The following NLRP1 variants were observed in gnomAD, a reference collection of about 807,000 sequenced individuals.
NLRP1 encodes the protein NLR family pyrin domain containing 1.
A neutral mutation model predicts 136.7 loss-of-function variants in NLRP1; 94 were observed. The ratio of observed to expected loss-of-function variants is 0.69; its 90% CI spans 0.58 to 0.82. NLRP1 has a LOEUF of 0.82. Ranked by LOEUF, NLRP1 falls within the 40% of genes least tolerant of loss-of-function variation. NLRP1 has a pLI of 0.00. For missense variants in NLRP1, 1,575 were observed against 1,802.7 expected, an observed-to-expected ratio of 0.87 and a Z score of 2.29; for synonymous variants, 690 against 725.1, an observed-to-expected ratio of 0.95 and a Z score of 0.78.
intron 10 of NLRP1, 149 bp downstream of exon 10, chr17:5,533,155 G>A (rs1910539107): frequency 6.9e-7 from 1 of 1,458,842 alleles, no homozygotes; most frequent in African/African-American, 1.4e-5. Flanking sequence ...TGTCTGGGGA[G>A]CCCCACTCCA....
chr17:5,529,418 A>G (rs1909951359), intron 12 of NLRP1, among the ~76,000 whole-genome samples: 1 of 144,742 alleles, frequency 6.9e-6, no homozygotes, highest in Non-Finnish European at 1.5e-5. Flanking sequence ...CCCAGGCTGG[A>G]GTGCAGTGGT....
intron 3 of NLRP1, among the ~76,000 whole-genome samples, chr17:5,566,136 T>A (rs561582094): frequency 6.6e-6 from 1 of 152,158 alleles, no homozygotes; most frequent in Non-Finnish European, 1.5e-5. Flanking sequence ...TTTGTTTCAT[T>A]GATCTTTTGT....
At chr17:5,530,423 C>G (rs139703734) in intron 12 of NLRP1, 58 bp downstream of exon 12, 1 of 1,479,684 alleles carries the variant, frequency 6.8e-7, no homozygotes, top group East Asian at 2.3e-5. Flanking sequence ...TCATTCTACA[C>G]TCCCTTTCAG....
intron 8 of NLRP1, 58 bp downstream of exon 8, chr17:5,536,793 G>A (rs1345865611): frequency 8.8e-6 from 11 of 1,251,620 alleles, no homozygotes; most frequent in Non-Finnish European, 1.1e-5. Context: ...CTCTTTCCCT[G>A]TCTCCTGCTC....
Position 5,533,886 on chromosome 17 carries a change from C to G in NLRP1, c.3052+11G>C, listed in dbSNP as rs1416012066. The G allele has an allele frequency of 1.3e-6, 2 of 1,592,268 alleles. No homozygotes were observed. The highest frequency in any genetic ancestry group is 3.4e-5 in the Admixed American group (2 of 59,490). On this transcript the variant is annotated intron_variant, in intron 9 of 16. Transcript: ENST00000572272. The stretch of plus-strand genomic sequence containing the variant: ...TGTCACGATGCTCCCAGCCTTGCCC[C>G]TTCAAACTACCTGATCCGAGTCTCT...
In NLRP1 at chr17:5,560,060, A is replaced by G; in HGVS notation, c.653-17T>C. On this transcript the variant is annotated splice_polypyrimidine_tract_variant and intron_variant, in intron 3 of 16. Transcript: ENST00000572272. ...CTCTGATTTCTAAGTAAGGGAGGGA[A>G]AGAAGGAACATAAAGGTAGAGAATA... 6.5e-7 allele frequency: 1 copy of G among 1,536,016 alleles called. No individual in the cohort carries two copies. Among genetic ancestry groups the G allele is most frequent in the Non-Finnish European group, 8.7e-7 (1 of 1,146,602 alleles).
At chr17:5,533,855 A>T in intron 9 of NLRP1, 42 bp downstream of exon 9, 2 of 1,357,860 alleles carry the variant, frequency 1.5e-6, no homozygotes, top group Non-Finnish European at 2.1e-6. Context: ...GACCTCCCCC[A>T]ACCCCTGTCA....
chr17:5,542,583 C>A (rs1047541692), intron 5 of NLRP1, among the ~76,000 whole-genome samples: 6 of 152,148 alleles, frequency 3.9e-5, no homozygotes, highest in African/African-American at 1.4e-4. Flanking sequence ...TCCCCAGACT[C>A]CCTGCTCCTT....
intron 15 of NLRP1, chr17:5,505,543 A>T (rs988949599): frequency 1.3e-5 from 2 of 152,304 alleles, no homozygotes; most frequent in East Asian, 3.9e-4. Flanking sequence ...GTCCCATCAA[A>T]CTTCACTTAC....
At chr17:5,534,789 T>A (rs1297201056) in intron 8 of NLRP1, among the ~76,000 whole-genome samples, 2 of 152,088 alleles carry the variant, frequency 1.3e-5, no homozygotes, top group Non-Finnish European at 2.9e-5. Flanking sequence ...AAATGGAAAG[T>A]TTTTAACATA....
At chr17:5,543,676 C>T (rs936912052) in intron 5 of NLRP1, among the ~76,000 whole-genome samples, 10 of 148,196 alleles carry the variant, frequency 6.7e-5, no homozygotes, top group Non-Finnish European at 1.2e-4. Context: ...AAAAAAAATG[C>T]AAGATCCCTG....
intron 5 of NLRP1, among the ~76,000 whole-genome samples, chr17:5,546,245 C>CA (rs150000713): frequency 0.047 from 7,185 of 152,312 alleles, 197 homozygotes; most frequent in Middle Eastern, 0.085. Context: ...CAGCTGGCTG[C>CA]AAGATCCAAG....
intron 5 of NLRP1, among the ~76,000 whole-genome samples, chr17:5,549,112 A>G (rs1022495043): frequency 3.3e-5 from 5 of 152,198 alleles, no homozygotes; most frequent in Admixed American, 6.5e-5. Context: ...TAGGTCTTAC[A>G]TAATTTCTTT....
At chr17:5,573,296 A>T (rs560091101) in intron 3 of NLRP1, among the ~76,000 whole-genome samples, 1 of 152,210 alleles carries the variant, frequency 6.6e-6, no homozygotes, top group African/African-American at 2.4e-5. Flanking sequence ...CTGAGGCTTG[A>T]GTAGGTAAAC....
intron 5 of NLRP1, among the ~76,000 whole-genome samples, chr17:5,549,717 C>A (rs1913096049): frequency 6.6e-6 from 1 of 152,186 alleles, no homozygotes; most frequent in African/African-American, 2.4e-5. Context: ...CTGGATGGAA[C>A]CTTGAGTACA....
At chr17:5,557,122 G>A (rs1373382494) in intron 4 of NLRP1, among the ~76,000 whole-genome samples, 3 of 152,050 alleles carry the variant, frequency 2.0e-5, no homozygotes, top group Non-Finnish European at 4.4e-5. Context: ...TCATGCCTCA[G>A]TCTCCCTAAT....
intron 5 of NLRP1, among the ~76,000 whole-genome samples, chr17:5,544,921 G>A (rs1912373872): frequency 6.6e-6 from 1 of 152,134 alleles, no homozygotes; most frequent in Non-Finnish European, 1.5e-5. Context: ...GGCAGACACT[G>A]TGGGAGCGGC....
At chr17:5,549,388 C>A (rs1251675579) in intron 5 of NLRP1, among the ~76,000 whole-genome samples, 1 of 152,118 alleles carries the variant, frequency 6.6e-6, no homozygotes, top group Non-Finnish European at 1.5e-5. Context: ...AAGCGATTCT[C>A]CCACCTCAGC....
chr17:5,534,971 C>T (rs1910842385), intron 8 of NLRP1, among the ~76,000 whole-genome samples: 1 of 152,208 alleles, frequency 6.6e-6, no homozygotes, highest in Non-Finnish European at 1.5e-5. Flanking sequence ...CCTGGAATCC[C>T]AGCACTCTGG....
Sources: allele counts gnomAD v4.1 joint callset (sites outside exome capture counted in the v4.1 genomes callset), GRCh38; gene constraint gnomAD v4.1.1; transcripts MANE v1.5; gene names NCBI Gene and HGNC (gene_info 2026-07-23, HGNC 2026-07-21).